The following ATP11C variants were observed in gnomAD, a reference collection of about 807,000 sequenced individuals.
ATP11C encodes phospholipid-transporting ATPase IG.
A neutral mutation model predicts 97.4 loss-of-function variants in ATP11C; 36 were observed. The observed-to-expected ratio is 0.37, with a 90% confidence interval of 0.28 to 0.49. ATP11C has a LOEUF of 0.49. ATP11C is among the 20% of genes least tolerant of loss of function. The pLI is 0.98. For synonymous variants in ATP11C, 275 were observed against 290.9 expected (o/e 0.95, Z 0.56); for missense variants, 730 against 824.6 (o/e 0.89, Z 1.40).
At chrX:139,908,687 C>A (rs1299704935) in intron 1 of ATP11C, among the ~76,000 whole-genome samples, 1 of 112,319 alleles carries the variant, frequency 8.9e-6, no homozygotes, top group Non-Finnish European at 1.9e-5. Context: ...CTGACAATAA[C>A]ATAAGTTTCT....
intron 1 of ATP11C, among the ~76,000 whole-genome samples, chrX:139,834,780 G>A (rs773505398): frequency 8.9e-6 from 1 of 111,944 alleles, no homozygotes; most frequent in South Asian, 3.8e-4. Context: ...GAATTACATG[G>A]AACAAGTTAA....
At chrX:139,902,100 G>A (rs2084908624) in intron 1 of ATP11C, among the ~76,000 whole-genome samples, 1 of 111,584 alleles carries the variant, frequency 9.0e-6, no homozygotes, top group Admixed American at 9.6e-5. Flanking sequence ...AGATGAATGT[G>A]TATCTGATTA....
intron 1 of ATP11C, among the ~76,000 whole-genome samples, chrX:139,919,620 T>C (rs2085222622): frequency 8.9e-6 from 1 of 112,542 alleles, no homozygotes; most frequent in African/African-American, 3.2e-5. Flanking sequence ...CATATTCATT[T>C]TAAAAAGCAA....
chrX:139,848,749 C>T (rs2083946911), intron 1 of ATP11C, among the ~76,000 whole-genome samples: 1 of 111,261 alleles, frequency 9.0e-6, no homozygotes. Context: ...GATCTCTGAA[C>T]ACCATATTGA....
At chrX:139,798,631 C>A in intron 9 of ATP11C, 48 bp downstream of exon 9, 1 of 1,004,870 alleles carries the variant, frequency 1.0e-6, no homozygotes, top group Non-Finnish European at 1.4e-6. Flanking sequence ...TTATTCACAG[C>A]CTTTACAAAG....
intron 1 of ATP11C, among the ~76,000 whole-genome samples, chrX:139,861,844 T>C (rs776400656): frequency 2.9e-4 from 32 of 110,844 alleles, no homozygotes; most frequent in Non-Finnish European, 5.9e-4. Flanking sequence ...CCATAACCCT[T>C]GTCATAATCT....
rs777551021 is a variant in ATP11C, at chrX:139,807,670, T to G, written c.427-3071A>C. On this transcript the variant is annotated intron_variant, in intron 5 of 29. Coordinates refer to ENST00000682941, the MANE Select transcript of ATP11C (RefSeq NM_001353812.2). ...AGCTATGATTAAGATGTTAAATGGG[T>G]GGGGTGTGGTGGCTCACATCTATAT... Among the ~76,000 whole-genome samples, 240 of 111,307 alleles carry G rather than the reference T, an allele frequency of 2.2e-3. 1 individual carries two copies. The highest frequency in any genetic ancestry group is 7.3e-3 in the African/African-American group (223 of 30,618).
chrX:139,750,105 T>C lies in ATP11C; in HGVS notation c.2748A>G (p.Thr916=), dbSNP rs2148649765. The change falls in exon 24 of 30, where the codon ACA becomes ACG. Residue 916 remains threonine, a synonymous_variant. Transcript: ENST00000682941. ...AYLTMYNICF[T]SLPILAYSLL... ...GACTATAGGCCAGGATGGGCAAGGA[T>C]GTGAAGCAGATATTGTACATTGTAA... The C allele has an allele frequency of 4.2e-6, 5 of 1,204,741 alleles. No homozygotes were observed. The highest frequency in any genetic ancestry group is 5.6e-6 in the Non-Finnish European group (5 of 890,405).
At chrX:139,737,497 A>G (rs1241622791) in intron 28 of ATP11C, among the ~76,000 whole-genome samples, 1 of 111,015 alleles carries the variant, frequency 9.0e-6, no homozygotes, top group Non-Finnish European at 1.9e-5. Context: ...AGGAAGGGGA[A>G]AGGTTTGAAA....
intron 1 of ATP11C, among the ~76,000 whole-genome samples, chrX:139,889,075 T>C (rs950804715): frequency 8.9e-6 from 1 of 111,998 alleles, no homozygotes; most frequent in Admixed American, 9.5e-5. Flanking sequence ...CCCAAAGTGC[T>C]AGGATTACAG....
At chrX:139,734,725 C>T (rs2081410580) in intron 28 of ATP11C, among the ~76,000 whole-genome samples, 1 of 111,143 alleles carries the variant, frequency 9.0e-6, no homozygotes, top group African/African-American at 3.3e-5. Context: ...TGCTATGCAG[C>T]TTTGTCACTT....
intron 4 of ATP11C, among the ~76,000 whole-genome samples, chrX:139,815,965 A>G (rs978920463): frequency 9.0e-6 from 1 of 111,625 alleles, no homozygotes; most frequent in African/African-American, 3.3e-5. Context: ...AAAACCACAC[A>G]TGCTATTCTT....
At chrX:139,770,869 T>G (rs943267812) in intron 19 of ATP11C, among the ~76,000 whole-genome samples, 1 of 111,773 alleles carries the variant, frequency 8.9e-6, no homozygotes, top group Non-Finnish European at 1.9e-5. Flanking sequence ...CCCTGCAAAT[T>G]CATGCTGAAG....
chrX:139,763,271 A>C (rs749536969), intron 21 of ATP11C, 45 bp downstream of exon 21: 1 of 1,025,831 alleles, frequency 9.7e-7, no homozygotes, highest in East Asian at 3.0e-5. Context: ...CCTAAAAGCA[A>C]TACTGATACT....
intron 1 of ATP11C, among the ~76,000 whole-genome samples, chrX:139,859,050 A>C (rs1293330327): frequency 8.9e-6 from 1 of 112,359 alleles, no homozygotes; most frequent in Non-Finnish European, 1.9e-5. Flanking sequence ...ATTCAAACAT[A>C]TGTTAAGCTG....
intron 6 of ATP11C, among the ~76,000 whole-genome samples, chrX:139,803,654 T>C (rs1449779948): frequency 1.3e-4 from 13 of 103,867 alleles, no homozygotes; most frequent in Non-Finnish European, 2.4e-4. Context: ...AACTTACTTA[T>C]AAAGCAAACA....
At position 139,768,345 on chromosome X, in the gene ATP11C, T is replaced by C; in HGVS notation, c.2306A>G (p.Asn769Ser). 1 of 1,189,306 alleles carries C rather than the reference T, an allele frequency of 8.4e-7. No homozygotes were observed. The highest frequency in any genetic ancestry group is 1.1e-6 in the Non-Finnish European group (1 of 882,374). ...ILNSSQDSSS[N>S]NYKSIFLQIC... ...TTGTAGGAAAATGCTTTTGTAATTG[T>C]TTGAACTAGAGTCTTGACTAGAATT... Residue 769 changes from asparagine to serine, a missense_variant, in exon 20 of 30, where the codon AAC becomes AGC. Transcript: ENST00000682941.
At chrX:139,936,586 A>T (rs958385422), upstream of ATP11C, among the ~76,000 whole-genome samples, 1 of 111,821 alleles carries the variant, frequency 8.9e-6, no homozygotes, top group African/African-American at 3.3e-5. Flanking sequence ...ACTTGACTAG[A>T]TAATGCTTGC....
intron 1 of ATP11C, among the ~76,000 whole-genome samples, chrX:139,925,709 G>A (rs763555936): frequency 5.8e-4 from 65 of 111,687 alleles, no homozygotes; most frequent in African/African-American, 1.4e-3. Flanking sequence ...AATACTTTAT[G>A]ACAACATATA....
Sources: gnomAD v4.1 joint callset for allele counts (sites outside exome capture counted in the v4.1 genomes callset) on GRCh38, gnomAD v4.1.1 for gene constraint, MANE v1.5 for transcripts, NCBI Gene and HGNC (gene_info 2026-07-23, HGNC 2026-07-21) for gene names.